ZNF804A: variants seen among roughly 807,000 people sequenced by gnomAD.
ZNF804A encodes the protein zinc finger protein 804A.
ZNF804A carries 2 observed loss-of-function variants against 16.5 expected under a neutral mutation model. The ratio of observed to expected loss-of-function variants is 0.12; its 90% CI spans 0.05 to 0.38. The LOEUF (loss-of-function observed/expected upper bound fraction) is 0.38, where lower values mean the gene tolerates loss of function less well. Among genes scored for constraint, ZNF804A ranks in the 10% least tolerant of loss-of-function variants. The pLI, the probability that ZNF804A is intolerant of heterozygous loss-of-function variation, is 0.99. For missense variants in ZNF804A, 1,473 were observed against 1,390.7 expected, an observed-to-expected ratio of 1.06 and a Z score of -0.94; for synonymous variants, 534 against 489.6, an observed-to-expected ratio of 1.09 and a Z score of -1.20.
chr2:184,856,625 C>G (rs1695691957), intron 1 of ZNF804A, among the ~76,000 whole-genome samples: 1 of 151,982 alleles, frequency 6.6e-6, no homozygotes, highest in Admixed American at 6.6e-5. Flanking sequence ...ATGGTGATAC[C>G]AAACAACCAC....
chr2:184,668,720 G>A (rs893891709), intron 1 of ZNF804A, among the ~76,000 whole-genome samples: 2 of 151,984 alleles, frequency 1.3e-5, no homozygotes, highest in Non-Finnish European at 2.9e-5. Flanking sequence ...AAAGGGCAAA[G>A]AACCTTCCTT....
At chr2:184,702,580 A>G (rs1395133407) in intron 1 of ZNF804A, among the ~76,000 whole-genome samples, 2 of 152,084 alleles carry the variant, frequency 1.3e-5, no homozygotes, top group Non-Finnish European at 2.9e-5. Flanking sequence ...CACTAAGCAA[A>G]ATTTTAACTA....
chr2:184,726,894 A>G (rs563512184), intron 1 of ZNF804A, among the ~76,000 whole-genome samples: 1 of 151,620 alleles, frequency 6.6e-6, no homozygotes, highest in Non-Finnish European at 1.5e-5. Flanking sequence ...CAAAACATTA[A>G]AAGAACAATT....
chr2:184,739,895 G>A (rs1412251014), intron 1 of ZNF804A, among the ~76,000 whole-genome samples: 1 of 152,106 alleles, frequency 6.6e-6, no homozygotes, highest in Non-Finnish European at 1.5e-5. Context: ...TAGAATCAGT[G>A]CAGACATTCT....
At chr2:184,681,353 A>G (rs773749990) in intron 1 of ZNF804A, among the ~76,000 whole-genome samples, 1 of 152,238 alleles carries the variant, frequency 6.6e-6, no homozygotes, top group African/African-American at 2.4e-5. Flanking sequence ...GTTACCAAAC[A>G]AAAAAGACAG....
intron 2 of ZNF804A, among the ~76,000 whole-genome samples, chr2:184,908,383 A>C (rs780857669): frequency 2.5e-4 from 38 of 152,114 alleles, no homozygotes; most frequent in Non-Finnish European, 4.3e-4. Flanking sequence ...CTCGTTGATT[A>C]TAAGGACCCT....
intron 2 of ZNF804A, among the ~76,000 whole-genome samples, chr2:184,891,192 T>A (rs769786568): frequency 6.6e-6 from 1 of 152,194 alleles, no homozygotes; most frequent in Non-Finnish European, 1.5e-5. Flanking sequence ...GGTCCCACTA[T>A]GGTTGTCAGC....
At chr2:184,710,847 T>C (rs1559132312) in intron 1 of ZNF804A, among the ~76,000 whole-genome samples, 1 of 151,868 alleles carries the variant, frequency 6.6e-6, no homozygotes, top group Non-Finnish European at 1.5e-5. Flanking sequence ...TCCTTCTTTG[T>C]TAAGGCTGAA....
chr2:184,919,119 A>G (rs1205280028), intron 2 of ZNF804A, among the ~76,000 whole-genome samples: 1 of 152,200 alleles, frequency 6.6e-6, no homozygotes, highest in Admixed American at 6.5e-5. Flanking sequence ...TGTGTGGAAT[A>G]TCATAAATGC....
chr2:184,892,029 T>G (rs1411643259), intron 2 of ZNF804A, among the ~76,000 whole-genome samples: 1 of 152,178 alleles, frequency 6.6e-6, no homozygotes, highest in African/African-American at 2.4e-5. Flanking sequence ...AAAGACCTAT[T>G]TGACAGTTTA....
intron 1 of ZNF804A, among the ~76,000 whole-genome samples, chr2:184,656,733 TACAC>T (rs530798981): frequency 1.3e-5 from 2 of 150,628 alleles, no homozygotes; most frequent in African/African-American, 2.4e-5. Context: ...TACACATATA[TACAC>T]ACACACACAC....
chr2:184,848,067 T>C (rs866945154), intron 1 of ZNF804A, among the ~76,000 whole-genome samples: 32 of 151,996 alleles, frequency 2.1e-4, no homozygotes, highest in African/African-American at 6.3e-4. Context: ...CCATTGATGA[T>C]TGACTCAATC....
chr2:184,849,024 C>G (rs917202833), intron 1 of ZNF804A, among the ~76,000 whole-genome samples: 4 of 151,890 alleles, frequency 2.6e-5, no homozygotes, highest in Admixed American at 6.6e-5. Context: ...AAAAGGAAAA[C>G]AAATATACTG....
chr2:184,750,084 G>A (rs191991410), intron 1 of ZNF804A, among the ~76,000 whole-genome samples: 1 of 151,222 alleles, frequency 6.6e-6, no homozygotes. Flanking sequence ...GTATATATGT[G>A]TTGTTCTTTC....
chr2:184,680,339 G>A (rs907947347), intron 1 of ZNF804A, among the ~76,000 whole-genome samples: 2 of 152,180 alleles, frequency 1.3e-5, no homozygotes, highest in Admixed American at 6.5e-5. Context: ...CCTCTCTGCT[G>A]AGAACTGAAC....
chr2:184,611,628 T>A (rs916873100), intron 1 of ZNF804A, among the ~76,000 whole-genome samples: 1 of 152,174 alleles, frequency 6.6e-6, no homozygotes, highest in Non-Finnish European at 1.5e-5. Flanking sequence ...TCTAGATTAC[T>A]GAAGTTCTGA....
chr2:184,665,121 T>C (rs1444890571), intron 1 of ZNF804A, among the ~76,000 whole-genome samples: 2 of 152,332 alleles, frequency 1.3e-5, no homozygotes, highest in Admixed American at 6.5e-5. Flanking sequence ...CACAAACTCT[T>C]AGTATTAAAA....
intron 2 of ZNF804A, among the ~76,000 whole-genome samples, chr2:184,904,951 A>C (rs560817327): frequency 6.6e-6 from 1 of 152,206 alleles, no homozygotes; most frequent in African/African-American, 2.4e-5. Context: ...CTGCAATTTA[A>C]ATTTTTCACT....
intron 1 of ZNF804A, among the ~76,000 whole-genome samples, chr2:184,728,852 T>C (rs1458317138): frequency 1.3e-5 from 2 of 151,930 alleles, no homozygotes; most frequent in African/African-American, 4.8e-5. Flanking sequence ...ACAATACTAT[T>C]TGGCTATTTT....
Sources: allele counts gnomAD v4.1 joint callset (sites outside exome capture counted in the v4.1 genomes callset), GRCh38; gene constraint gnomAD v4.1.1; transcripts MANE v1.5; gene names NCBI Gene and HGNC (gene_info 2026-07-23, HGNC 2026-07-21).